Variants in AQR observed in about 807,000 individuals in gnomAD.
AQR encodes aquarius intron-binding spliceosomal factor, also known as RNA helicase aquarius.
In AQR, 61 loss-of-function variants were observed where a neutral mutation model predicts 180.5. The ratio of observed to expected loss-of-function variants is 0.34; its 90% CI spans 0.28 to 0.42. The LOEUF (loss-of-function observed/expected upper bound fraction) is 0.42, where lower values mean the gene tolerates loss of function less well. AQR is among the 10% of genes least tolerant of loss of function. The pLI is 1.00. For missense variants in AQR, 1,281 were observed against 1,798.3 expected (o/e 0.71, Z 5.20); for synonymous variants, 551 against 588.8 (o/e 0.94, Z 0.93).
chr15:34,891,598 T>C (rs1051344465), intron 23 of AQR, among the ~76,000 whole-genome samples: 1 of 152,078 alleles, frequency 6.6e-6, no homozygotes, highest in Non-Finnish European at 1.5e-5. Flanking sequence ...GCTATACAAA[T>C]CAATCATAAA....
intron 5 of AQR, among the ~76,000 whole-genome samples, chr15:34,946,541 C>T (rs1348924239): frequency 2.7e-5 from 4 of 145,970 alleles, no homozygotes; most frequent in Non-Finnish European, 4.6e-5. Flanking sequence ...AGGGGGTCAG[C>T]CCCCCGCCTG....
chr15:34,942,908 ATAAAC>A (rs1894047720), intron 6 of AQR, among the ~76,000 whole-genome samples: 1 of 152,244 alleles, frequency 6.6e-6, no homozygotes, highest in African/African-American at 2.4e-5. Context: ...CATTTCAATA[ATAAAC>A]TAGTTTGGTA....
intron 3 of AQR, among the ~76,000 whole-genome samples, chr15:34,960,122 TACTC>T (rs1445988242): frequency 1.3e-5 from 2 of 152,210 alleles, no homozygotes; most frequent in Non-Finnish European, 1.5e-5. Flanking sequence ...CCTTTTAAAA[TACTC>T]ACTGGACATA....
intron 19 of AQR, among the ~76,000 whole-genome samples, chr15:34,903,248 T>C (rs964562771): frequency 6.6e-6 from 1 of 152,070 alleles, no homozygotes; most frequent in Non-Finnish European, 1.5e-5. Flanking sequence ...GAAAATGATG[T>C]TGGAGAGGAC....
intron 16 of AQR, among the ~76,000 whole-genome samples, chr15:34,914,202 C>T (rs1270157616): frequency 6.6e-6 from 1 of 152,134 alleles, no homozygotes; most frequent in East Asian, 1.9e-4. Context: ...CATTTATAAT[C>T]ACTTGTGATG....
chr15:34,891,261 TACTC>T lies in AQR; in HGVS notation c.2572-941_2572-938del, dbSNP rs1407624717. On this transcript the variant is annotated intron_variant, in intron 23 of 34. Transcript: ENST00000156471. ...CCCAACAGAGCAGATTACATGGTGT[TACTC>T]ACTATCCAAACCTTCACTATTCAAA... 5.9e-5 allele frequency among the ~76,000 whole-genome samples: 9 copies of T among 152,304 alleles called. No individual in the cohort carries two copies. In the South Asian group the frequency reaches 1.7e-3, roughly 28 times the overall value.
chr15:34,941,296 T>C (rs1038039735), intron 7 of AQR, among the ~76,000 whole-genome samples: 3 of 152,160 alleles, frequency 2.0e-5, no homozygotes, highest in Non-Finnish European at 4.4e-5. Context: ...GCATCAACAC[T>C]TAGCATAATC....
chr15:34,949,155 G>T (rs936908329), intron 4 of AQR, among the ~76,000 whole-genome samples: 1 of 151,742 alleles, frequency 6.6e-6, no homozygotes, highest in Non-Finnish European at 1.5e-5. Context: ...ACCACGCCCG[G>T]CTAATTTTTT....
chr15:34,920,327 T>C lies in AQR; in HGVS notation c.1221+5A>G, dbSNP rs754285451. The C allele has an allele frequency of 6.3e-7, 1 of 1,591,098 alleles. No individual in the cohort carries two copies. Among genetic ancestry groups the C allele is most frequent in the South Asian group, 1.1e-5 (1 of 89,964 alleles). ...ATGCAAAATTCAGAGAACATTAATA[T>C]TTACCAGCAATTCTAGAAGAAATTC... On this transcript the variant is annotated splice_donor_5th_base_variant and intron_variant, in intron 14 of 34. Coordinates refer to ENST00000156471, the MANE Select transcript of AQR (RefSeq NM_014691.3).
chr15:34,889,904 T>C (rs1420071546), intron 24 of AQR, among the ~76,000 whole-genome samples: 1 of 152,168 alleles, frequency 6.6e-6, no homozygotes, highest in Non-Finnish European at 1.5e-5. Context: ...AGTTGTACAG[T>C]TTTGAACTGG....
rs773096258 is a variant in AQR, at chr15:34,867,508, GT to G, written c.3854+15del. The stretch of plus-strand genomic sequence containing the variant: ...GTAAAGTTCAATAAATATTATGAAA[GT>G]TTTTTCCTACGTACCTCAGATGGCC... On this transcript the variant is annotated intron_variant, in intron 32 of 34. Transcript: ENST00000156471. The G allele has an allele frequency of 1.2e-6, 2 of 1,602,934 alleles. No individual in the cohort carries two copies. The highest frequency in any genetic ancestry group is 2.2e-5 in the South Asian group (2 of 90,718).
At chr15:34,942,949 A>C in intron 6 of AQR, 1 of 1,014,334 alleles carries the variant, frequency 9.9e-7, no homozygotes, top group South Asian at 1.6e-5. Flanking sequence ...TCACCAAATT[A>C]CTAATACTAA....
At chr15:34,954,001 G>A (rs544975908) in intron 3 of AQR, among the ~76,000 whole-genome samples, 3 of 152,118 alleles carry the variant, frequency 2.0e-5, no homozygotes, top group South Asian at 2.1e-4. Flanking sequence ...TGCAACCTCC[G>A]CCTCCCAGGC....
In AQR at chr15:34,906,640, C is replaced by T. The variant is rs778354785; in HGVS notation, c.1736G>A (p.Arg579Gln). 1.4e-5 allele frequency: 23 copies of T among 1,613,908 alleles called. No homozygotes were observed. The highest frequency in any genetic ancestry group is 5.0e-5 in the Admixed American group (3 of 60,000). ...AACCTGCTCAATAAAAGGTCTCCTCCGGTCAAACTTAGTGCCATAAGGTTT... is the reference window on the plus strand; with the variant it reads ...AACCTGCTCAATAAAAGGTCTCCTCTGGTCAAACTTAGTGCCATAAGGTTT... The part of the protein sequence containing the change: ...PTKPYGTKFD[R>Q]RRPFIEQVGL... Residue 579 changes from arginine (R) to glutamine (Q), a missense_variant, in exon 18 of 35, where the codon CGG (arginine) becomes CAG (glutamine). Arg to Gln is a conservative substitution (Grantham distance 43, BLOSUM62 1). Transcript: ENST00000156471.
intron 18 of AQR, among the ~76,000 whole-genome samples, chr15:34,905,487 T>C (rs1467623122): frequency 6.6e-6 from 1 of 152,054 alleles, no homozygotes; most frequent in Non-Finnish European, 1.5e-5. Context: ...TGGCATCTTA[T>C]GCAGGATAAT....
At chr15:34,938,297 G>T (rs535260379) in intron 9 of AQR, among the ~76,000 whole-genome samples, 238 of 152,262 alleles carry the variant, frequency 1.6e-3, no homozygotes, top group African/African-American at 5.6e-3. Context: ...ACTTTGAGAG[G>T]CTGAGGTGGA....
Position 34,943,029 on chromosome 15 carries a change from A to C in AQR, c.472-949T>G, listed in dbSNP as rs965331802. Reference sequence around the variant, plus strand: ...ATTTATATTTCTATTTGTTCTGTTTAGTTTAATAAATGTTAAAGAGGCTTT... The same window carrying C: ...ATTTATATTTCTATTTGTTCTGTTTCGTTTAATAAATGTTAAAGAGGCTTT... On this transcript the variant is annotated intron_variant, in intron 6 of 34. Coordinates refer to ENST00000156471, the MANE Select transcript of AQR (RefSeq NM_014691.3). The C allele has an allele frequency of 2.6e-6, 4 of 1,551,008 alleles. No homozygotes were observed. The African/African-American group carries it at 5.4e-5, about 21-fold the overall frequency.
chr15:34,896,819 G>C, intron 22 of AQR, 78 bp downstream of exon 22: 1 of 1,310,078 alleles, frequency 7.6e-7, no homozygotes, highest in Non-Finnish European at 1.1e-6. Context: ...ACTGCACTCC[G>C]GCATGGGCAA....
At chr15:34,890,394 A>G in intron 23 of AQR, 70 bp from the exon 24 acceptor site, 1 of 1,276,050 alleles carries the variant, frequency 7.8e-7, no homozygotes, top group Non-Finnish European at 1.1e-6. Flanking sequence ...GAAAGAATCA[A>G]AGTTGAAACA....
Sources: allele counts gnomAD v4.1 joint callset (sites outside exome capture counted in the v4.1 genomes callset), GRCh38; gene constraint gnomAD v4.1.1; transcripts MANE v1.5; gene names NCBI Gene and HGNC (gene_info 2026-07-23, HGNC 2026-07-21).